VSTM4: variants seen among roughly 807,000 people sequenced by gnomAD.
VSTM4 encodes the protein V-set and transmembrane domain containing 4, also known as V-set and transmembrane domain-containing protein 4.
VSTM4 carries 20 observed loss-of-function variants against 36.4 expected under a neutral mutation model. The ratio of observed to expected loss-of-function variants is 0.55; its 90% CI spans 0.39 to 0.80. VSTM4 has a LOEUF of 0.80. VSTM4 is among the 30% of genes least tolerant of loss of function. VSTM4 has a pLI of 0.00. For synonymous variants in VSTM4, 182 were observed against 173.9 expected, an observed-to-expected ratio of 1.05 and a Z score of -0.37; for missense variants, 392 against 404.5, an observed-to-expected ratio of 0.97 and a Z score of 0.26.
At chr10:49,036,108 A>C (rs898487637) in intron 7 of VSTM4, among the ~76,000 whole-genome samples, 2 of 152,140 alleles carry the variant, frequency 1.3e-5, no homozygotes, top group African/African-American at 4.8e-5. Flanking sequence ...GAGAGATATG[A>C]TCTTGATCAC....
At chr10:49,025,555 G>A (rs1023766161) in intron 7 of VSTM4, among the ~76,000 whole-genome samples, 2 of 152,194 alleles carry the variant, frequency 1.3e-5, no homozygotes, top group African/African-American at 4.8e-5. Context: ...TTGACCCTGG[G>A]CTGCAACAGA....
At position 49,017,360 on chromosome 10, in the gene VSTM4, C is replaced by T. The variant is rs1454716182; in HGVS notation, c.*2290G>A. 2.6e-5 allele frequency: 4 copies of T among 152,248 alleles called. No individual in the cohort carries two copies. The highest frequency in any genetic ancestry group is 4.4e-5 in the Non-Finnish European group (3 of 68,076). The allele number at this position is 152,248 out of a possible 1,614,324, so 9.4% of individuals were successfully genotyped here. On this transcript the variant is annotated 3_prime_UTR_variant, in exon 8 of 8. Coordinates refer to ENST00000332853, the MANE Select transcript of VSTM4 (RefSeq NM_001031746.5). ...ATGCTGTCCATAGCTTCCAAGATTCCCCTGGGCAGCATTTTCAGTAGGAGG... is the reference window on the plus strand; with the variant it reads ...ATGCTGTCCATAGCTTCCAAGATTCTCCTGGGCAGCATTTTCAGTAGGAGG...
chr10:49,089,453 G>A (rs539400178), intron 2 of VSTM4, among the ~76,000 whole-genome samples: 1 of 152,018 alleles, frequency 6.6e-6, no homozygotes, highest in Non-Finnish European at 1.5e-5. Context: ...CAACTTTCAG[G>A]GTCAGAAATT....
chr10:49,079,604 A>G (rs1002608160), intron 3 of VSTM4, among the ~76,000 whole-genome samples: 2 of 152,216 alleles, frequency 1.3e-5, no homozygotes, highest in Non-Finnish European at 2.9e-5. Context: ...CCTGAGTCCA[A>G]GAAAGATAAA....
At chr10:49,093,742 C>CTTTT (rs35299738) in intron 2 of VSTM4, among the ~76,000 whole-genome samples, 42 of 103,652 alleles carry the variant, frequency 4.1e-4, no homozygotes, top group East Asian at 3.2e-3. Context: ...CATAGTTACT[C>CTTTT]TTTTTTTTTT....
chr10:49,089,325 A>G (rs1481386428), intron 2 of VSTM4, among the ~76,000 whole-genome samples: 1 of 152,072 alleles, frequency 6.6e-6, no homozygotes, highest in Admixed American at 6.5e-5. Flanking sequence ...ACCCCCGCCA[A>G]CCTCAGAATG....
rs1590138384 is a variant in VSTM4, at chr10:49,107,587, C to A, written c.457+7G>T. ...CCACCTCTACCCAGGGAGACCAAGA[C>A]CCTCACCTCTCATTTCCGTGGCTGA... is the stretch of plus-strand genomic sequence containing the variant. On this transcript the variant is annotated splice_region_variant and intron_variant, in intron 2 of 7. Transcript: ENST00000332853. 1 of 1,597,160 alleles carries A rather than the reference C, an allele frequency of 6.3e-7. No homozygotes were observed. The highest frequency in any genetic ancestry group is 1.1e-5 in the South Asian group (1 of 88,652).
intron 2 of VSTM4, among the ~76,000 whole-genome samples, chr10:49,087,712 A>T (rs568273674): frequency 1.5e-4 from 23 of 152,050 alleles, no homozygotes; most frequent in Admixed American, 8.5e-4. Flanking sequence ...TCCTAAACAT[A>T]CTGGTTGTCA....
chr10:49,110,497 T>A (rs1327397532), intron 1 of VSTM4, among the ~76,000 whole-genome samples: 1 of 152,214 alleles, frequency 6.6e-6, no homozygotes, highest in Non-Finnish European at 1.5e-5. Flanking sequence ...AACTTCTGTT[T>A]CTTCTACCAA....
At chr10:49,100,565 T>A (rs1444394970) in intron 2 of VSTM4, among the ~76,000 whole-genome samples, 1 of 151,316 alleles carries the variant, frequency 6.6e-6, no homozygotes, top group Non-Finnish European at 1.5e-5. Flanking sequence ...TGAAAAAAAA[T>A]TGTACTGAAA....
chr10:49,054,984 T>C (rs1843754581), intron 5 of VSTM4, among the ~76,000 whole-genome samples: 1 of 152,154 alleles, frequency 6.6e-6, no homozygotes, highest in Non-Finnish European at 1.5e-5. Context: ...TCAAAACACT[T>C]CTTTGAGGTC....
intron 7 of VSTM4, among the ~76,000 whole-genome samples, chr10:49,039,377 C>T (rs1239423446): frequency 2.6e-5 from 4 of 152,182 alleles, no homozygotes; most frequent in Non-Finnish European, 2.9e-5. Flanking sequence ...GAGCCATTTA[C>T]GCAGGGAAAT....
Position 49,015,925 on chromosome 10 carries a change from G to C in VSTM4, c.*3725C>G, listed in dbSNP as rs1023928050. On this transcript the variant is annotated 3_prime_UTR_variant, in exon 8 of 8. Coordinates refer to ENST00000332853, the MANE Select transcript of VSTM4 (RefSeq NM_001031746.5). ...CCTGTTGGTGTCCCTCTCCAAATCT[G>C]AGGCCTCCCTTCCTTAGGGAGAGCA... 4 of 152,250 alleles carry C rather than the reference G, an allele frequency of 2.6e-5. No individual in the cohort carries two copies. The highest frequency in any genetic ancestry group is 9.7e-5 in the African/African-American group (4 of 41,444). 9.4% of individuals were successfully genotyped at this position (152,250 alleles called of 1,614,324 possible). A position where few individuals can be genotyped will look rare whatever the true frequency, so the allele number is the denominator to read the frequency against.
intron 7 of VSTM4, among the ~76,000 whole-genome samples, chr10:49,033,349 T>C (rs1843375949): frequency 6.6e-6 from 1 of 152,208 alleles, no homozygotes; most frequent in Admixed American, 6.5e-5. Context: ...AATGGATTTG[T>C]CAGAATCTGT....
intron 2 of VSTM4, chr10:49,102,253 C>G: frequency 3.7e-6 from 1 of 271,822 alleles, no homozygotes; most frequent in South Asian, 1.4e-4. Flanking sequence ...TTCTTCATCT[C>G]AGCCTCCCGA....
intron 7 of VSTM4, among the ~76,000 whole-genome samples, chr10:49,022,368 T>C (rs1160714897): frequency 6.6e-6 from 1 of 152,182 alleles, no homozygotes; most frequent in Non-Finnish European, 1.5e-5. Flanking sequence ...ACCACCTTCA[T>C]TCAATTTAAG....
In VSTM4 at chr10:49,016,608, G is replaced by C. The variant is rs933809528; in HGVS notation, c.*3042C>G. ...CGAGGGGGTCTTTGGGCTCATTGCT[G>C]TGTGGGCCAGCCCACATTATCATAC... is the stretch of plus-strand genomic sequence containing the variant. On this transcript the variant is annotated 3_prime_UTR_variant, in exon 8 of 8. Transcript: ENST00000332853. 6.6e-5 allele frequency: 10 copies of C among 152,232 alleles called. No homozygotes were observed. Among genetic ancestry groups the C allele is most frequent in the Admixed American group, 2.6e-4 (4 of 15,278 alleles). 9.4% of individuals were successfully genotyped at this position (152,232 alleles called of 1,614,324 possible).
rs535807758 is a variant in VSTM4, at chr10:49,094,151, G to A, written c.458-8128C>T. On this transcript the variant is annotated intron_variant, in intron 2 of 7. Coordinates refer to ENST00000332853, the MANE Select transcript of VSTM4 (RefSeq NM_001031746.5). ...TTACTTTCCGGAAAGCTAGGAGAGG[G>A]GCCAGGGTCAGGGGGTCCCACCCTG... is the stretch of plus-strand genomic sequence containing the variant. 2.6e-4 allele frequency among the ~76,000 whole-genome samples: 39 copies of A among 149,936 alleles called. No homozygotes were observed. The South Asian group carries it at 8.7e-3, about 33-fold the overall frequency.
intron 3 of VSTM4, among the ~76,000 whole-genome samples, chr10:49,081,848 T>C (rs963632318): frequency 2.0e-5 from 3 of 152,232 alleles, no homozygotes; most frequent in Non-Finnish European, 4.4e-5. Flanking sequence ...CTGTAAAAAG[T>C]GCTGCCTTGC....
Sources: gnomAD v4.1 joint callset for allele counts (sites outside exome capture counted in the v4.1 genomes callset) on GRCh38, gnomAD v4.1.1 for gene constraint, MANE v1.5 for transcripts, NCBI Gene and HGNC (gene_info 2026-07-23, HGNC 2026-07-21) for gene names.